Variants in NKAIN3 observed in about 807,000 individuals in gnomAD.
The protein encoded by NKAIN3 is sodium/potassium transporting ATPase interacting 3.
In NKAIN3, 25 loss-of-function variants were observed where a neutral mutation model predicts 30.2. That is an observed-to-expected ratio of 0.83 (90% confidence interval 0.60 to 1.16). The LOEUF is 1.16. Ranked by LOEUF, NKAIN3 falls within the 50% of genes most tolerant of loss-of-function variation. The probability of loss-of-function intolerance (pLI) is 0.00; values close to 1 mark genes in which losing one functional copy is unlikely to be tolerated. For synonymous variants in NKAIN3, 91 were observed against 89.6 expected (o/e 1.02, Z -0.09); for missense variants, 225 against 254.1 (o/e 0.89, Z 0.78).
At chr8:62,459,996 G>T (rs961829545) in intron 1 of NKAIN3, among the ~76,000 whole-genome samples, 1 of 152,146 alleles carries the variant, frequency 6.6e-6, no homozygotes, top group African/African-American at 2.4e-5. Flanking sequence ...ACTGTAATGT[G>T]GTACAATTCA....
intron 3 of NKAIN3, among the ~76,000 whole-genome samples, chr8:62,627,738 C>T (rs141845645): frequency 4.6e-5 from 7 of 152,164 alleles, no homozygotes; most frequent in African/African-American, 1.7e-4. Flanking sequence ...ACAAGAAATA[C>T]ACTTTTTGTC....
At position 62,981,272 on chromosome 8, in the gene NKAIN3, C is replaced by T. The variant is rs2130924580; in HGVS notation, c.*15865C>T. ...AATGGAGAGTTTTCATTAAAGGGCC[C>T]CTGCAAATCTATGATGCTAGATGAC... is the stretch of plus-strand genomic sequence containing the variant. On this transcript the variant is annotated 3_prime_UTR_variant, in exon 7 of 7. Coordinates refer to ENST00000623646, the MANE Select transcript of NKAIN3 (RefSeq NM_001304533.3). The T allele has an allele frequency of 6.6e-6, 1 of 152,168 alleles. No homozygotes were observed. The highest frequency in any genetic ancestry group is 3.4e-3 in the Middle Eastern group (1 of 294). The allele number at this position is 152,168 out of a possible 1,614,324, so 9.4% of individuals were successfully genotyped here.
chr8:62,407,432 C>T (rs200018720), intron 1 of NKAIN3, among the ~76,000 whole-genome samples: 7 of 138,230 alleles, frequency 5.1e-5, no homozygotes, highest in South Asian at 2.3e-4. Flanking sequence ...GACGGAGTCT[C>T]GTGTCACCGG....
At chr8:62,805,453 G>T (rs557269712) in intron 4 of NKAIN3, among the ~76,000 whole-genome samples, 1 of 152,144 alleles carries the variant, frequency 6.6e-6, no homozygotes, top group Non-Finnish European at 1.5e-5. Flanking sequence ...CCAAAACAGA[G>T]ATATAGATCA....
intron 1 of NKAIN3, among the ~76,000 whole-genome samples, chr8:62,438,949 C>A (rs1191844572): frequency 1.3e-5 from 2 of 152,082 alleles, no homozygotes; most frequent in South Asian, 4.1e-4. Context: ...GGTGCAGGAG[C>A]AATGCTGGTG....
chr8:62,470,190 G>C (rs1806287500), intron 1 of NKAIN3, among the ~76,000 whole-genome samples: 1 of 152,138 alleles, frequency 6.6e-6, no homozygotes, highest in Non-Finnish European at 1.5e-5. Flanking sequence ...AGCTTTAATA[G>C]TCTGGAGGTA....
At chr8:62,505,873 G>T (rs1428612670) in intron 1 of NKAIN3, among the ~76,000 whole-genome samples, 2 of 152,028 alleles carry the variant, frequency 1.3e-5, no homozygotes, top group Non-Finnish European at 2.9e-5. Context: ...TTCTCAGTGG[G>T]CTAAAATCAA....
intron 1 of NKAIN3, among the ~76,000 whole-genome samples, chr8:62,480,897 A>G (rs1806698758): frequency 6.6e-6 from 1 of 152,160 alleles, no homozygotes; most frequent in Admixed American, 6.5e-5. Context: ...GAATGGAGTC[A>G]TTCTTCAGGG....
At chr8:62,341,020 A>G (rs1276712339) in intron 1 of NKAIN3, among the ~76,000 whole-genome samples, 11 of 152,038 alleles carry the variant, frequency 7.2e-5, no homozygotes, top group Non-Finnish European at 1.0e-4. Context: ...TTTTTCCAGA[A>G]ATTTTAACTA....
At position 62,899,349 on chromosome 8, in the gene NKAIN3, G is replaced by A. The variant is rs183196321; in HGVS notation, c.472-19104G>A. Among the ~76,000 whole-genome samples the A allele has an allele frequency of 3.7e-4, 56 of 152,246 alleles. 1 individual carries two copies. Among genetic ancestry groups the A allele is most frequent in the Admixed American group, 2.6e-3 (40 of 15,288 alleles). ...GCAACATAAATGTCCATCAACAAAT[G>A]AATGGATAAAGAAAATGTGGTACAT... On this transcript the variant is annotated intron_variant, in intron 4 of 6. Coordinates refer to ENST00000623646, the MANE Select transcript of NKAIN3 (RefSeq NM_001304533.3).
intron 5 of NKAIN3, among the ~76,000 whole-genome samples, chr8:62,936,569 A>C (rs1011031455): frequency 6.6e-6 from 1 of 152,154 alleles, no homozygotes; most frequent in Non-Finnish European, 1.5e-5. Flanking sequence ...CAAAATCACT[A>C]CAATTTTTAA....
intron 1 of NKAIN3, among the ~76,000 whole-genome samples, chr8:62,416,619 G>A (rs2129596407): frequency 6.6e-6 from 1 of 152,236 alleles, no homozygotes; most frequent in South Asian, 2.1e-4. Flanking sequence ...CATGTAAAGT[G>A]AGATATCCAT....
chr8:62,455,092 A>G (rs918647386), intron 1 of NKAIN3, among the ~76,000 whole-genome samples: 4 of 152,246 alleles, frequency 2.6e-5, no homozygotes, highest in African/African-American at 9.6e-5. Flanking sequence ...GTGTCTTGGT[A>G]GGATAAAGTC....
intron 3 of NKAIN3, among the ~76,000 whole-genome samples, chr8:62,677,962 A>G (rs1282278080): frequency 2.0e-5 from 3 of 151,944 alleles, no homozygotes; most frequent in Non-Finnish European, 4.4e-5. Context: ...TGCTAGTTTT[A>G]CTCCCTTTCT....
chr8:62,801,883 C>T (rs909950645), intron 4 of NKAIN3, among the ~76,000 whole-genome samples: 5 of 152,034 alleles, frequency 3.3e-5, no homozygotes, highest in African/African-American at 7.2e-5. Flanking sequence ...AAAATTTAGA[C>T]GAATGTATAA....
chr8:62,310,211 GA>G (rs1422837351), intron 1 of NKAIN3, among the ~76,000 whole-genome samples: 3 of 150,178 alleles, frequency 2.0e-5, no homozygotes, highest in Non-Finnish European at 4.4e-5. Flanking sequence ...AACTTCAGTT[GA>G]AAAAAAATAT....
At chr8:62,726,214 T>C (rs1815253189) in intron 3 of NKAIN3, among the ~76,000 whole-genome samples, 1 of 152,092 alleles carries the variant, frequency 6.6e-6, no homozygotes, top group African/African-American at 2.4e-5. Flanking sequence ...TGAATTTGTT[T>C]ATCAGTTGGA....
intron 4 of NKAIN3, among the ~76,000 whole-genome samples, chr8:62,870,731 ATC>A (rs1820613288): frequency 7.0e-6 from 1 of 143,392 alleles, no homozygotes. Flanking sequence ...ATATCTATAT[ATC>A]TATATATATC....
intron 3 of NKAIN3, among the ~76,000 whole-genome samples, chr8:62,726,603 G>A (rs1815267146): frequency 6.6e-6 from 1 of 151,844 alleles, no homozygotes; most frequent in African/African-American, 2.4e-5. Context: ...GCATTGTTTG[G>A]TTTGCATATA....
Sources: gnomAD v4.1 joint callset for allele counts (sites outside exome capture counted in the v4.1 genomes callset) on GRCh38, gnomAD v4.1.1 for gene constraint, MANE v1.5 for transcripts, NCBI Gene and HGNC (gene_info 2026-07-23, HGNC 2026-07-21) for gene names.